The following TLE3 variants were observed in gnomAD, a reference collection of about 807,000 sequenced individuals.
TLE3 encodes TLE family member 3, transcriptional corepressor, also known as transducin-like enhancer protein 3.
In TLE3, 14 loss-of-function variants were observed where a neutral mutation model predicts 93.0. That is an observed-to-expected ratio of 0.15 (90% CI 0.10 to 0.24). The LOEUF (loss-of-function observed/expected upper bound fraction) is 0.24, where lower values mean the gene tolerates loss of function less well. TLE3 is among the 10% of genes least tolerant of loss of function. TLE3 has a pLI of 1.00. For missense variants in TLE3, 693 were observed against 1,046.6 expected, an observed-to-expected ratio of 0.66 and a Z score of 4.66; for synonymous variants, 451 against 425.0, an observed-to-expected ratio of 1.06 and a Z score of -0.75.
At chr15:70,076,462 A>G (rs574222320) in intron 4 of TLE3, among the ~76,000 whole-genome samples, 10 of 152,332 alleles carry the variant, frequency 6.6e-5, no homozygotes, top group African/African-American at 2.4e-4. Context: ...CCCTAATTAA[A>G]GCAAAACGAA....
Position 70,074,544 on chromosome 15 carries a change from C to A in TLE3, c.361G>T (p.Ala121Ser), listed in dbSNP as rs756487725. 1.2e-5 allele frequency: 20 copies of A among 1,612,328 alleles called. No homozygotes were observed. The African/African-American group carries it at 2.5e-4, about 20-fold the overall frequency. ...GGGAGTCCACGTACCCCGATGATGG[C>A]GTTCAGCTCCGTCATGGTGACCTGC... ...AKQVTMTELN[A>S]IIGQQQLQAQ... Residue 121 changes from alanine (A) to serine (S), a missense_variant, in exon 6 of 20, where the codon GCC becomes TCC. Around this residue, in one of 4 missense-constraint regions of TLE3, gnomAD observed 104 missense variants for 173.8 expected, o/e 0.60. Coordinates refer to ENST00000451782, the MANE Select transcript of TLE3 (RefSeq NM_001105192.3).
chr15:70,097,295 CG>C lies in TLE3; in HGVS notation c.-498del. 1 of 401,090 alleles carries C rather than the reference CG, an allele frequency of 2.5e-6. No homozygotes were observed. Among genetic ancestry groups the C allele is most frequent in the Non-Finnish European group, 4.4e-6 (1 of 228,090 alleles). 24.8% of individuals were successfully genotyped at this position (401,090 alleles called of 1,614,324 possible). A position where few individuals can be genotyped will look rare whatever the true frequency, so the allele number is the denominator to read the frequency against. On this transcript the variant is annotated 5_prime_UTR_variant, in exon 1 of 20. Transcript: ENST00000451782. ...GCGCGGGTCCGATCCTAGAGGCGTCCGGGCCTGGGGCTCGCGGCGAGAAGAG... is the reference window on the plus strand; with the variant it reads ...GCGCGGGTCCGATCCTAGAGGCGTCCGGCCTGGGGCTCGCGGCGAGAAGAG...
chr15:70,079,298 G>A (rs1474577901), intron 4 of TLE3: 25 of 472,114 alleles, frequency 5.3e-5, no homozygotes, highest in Non-Finnish European at 9.3e-5. Context: ...GCCCATGTTC[G>A]ACGAAGAGAG....
At chr15:70,063,070 G>T (rs1595898601) in intron 8 of TLE3, among the ~76,000 whole-genome samples, 2 of 152,194 alleles carry the variant, frequency 1.3e-5, no homozygotes, top group Non-Finnish European at 2.9e-5. Context: ...CACTGAAGTG[G>T]GTCCCTGCTA....
intron 4 of TLE3, 35 bp downstream of exon 4, chr15:70,094,497 A>C: frequency 6.7e-7 from 1 of 1,496,196 alleles, no homozygotes; most frequent in Non-Finnish European, 9.0e-7. Flanking sequence ...GTTTTTAAAA[A>C]ATGAAATATA....
intron 9 of TLE3, 151 bp downstream of exon 9, chr15:70,060,379 T>A (rs1357689781): frequency 1.1e-6 from 1 of 946,122 alleles, no homozygotes; most frequent in Non-Finnish European, 1.6e-6. Flanking sequence ...GTTCCCACCC[T>A]GCTCTCCTCA....
chr15:70,066,649 A>C, intron 6 of TLE3: 1 of 163,722 alleles, frequency 6.1e-6, no homozygotes, highest in Non-Finnish European at 1.3e-5. Context: ...AGCATCTTCC[A>C]CCCTGAGGCT....
chr15:70,088,167 G>A (rs1421755784), intron 4 of TLE3, among the ~76,000 whole-genome samples: 1 of 152,176 alleles, frequency 6.6e-6, no homozygotes, highest in Non-Finnish European at 1.5e-5. Context: ...AACATCCTTA[G>A]CAAAGAAAAG....
intron 4 of TLE3, among the ~76,000 whole-genome samples, chr15:70,078,496 A>G (rs1457468493): frequency 6.6e-6 from 1 of 152,278 alleles, no homozygotes; most frequent in Non-Finnish European, 1.5e-5. Flanking sequence ...GGCACACAGT[A>G]GCTGCTCCGT....
intron 5 of TLE3, among the ~76,000 whole-genome samples, chr15:70,075,044 A>G (rs1777883956): frequency 1.3e-5 from 2 of 152,254 alleles, no homozygotes; most frequent in African/African-American, 4.8e-5. Flanking sequence ...AATTGTCAGG[A>G]TATCTGCAAT....
At chr15:70,088,330 C>A (rs1288781999) in intron 4 of TLE3, among the ~76,000 whole-genome samples, 1 of 152,232 alleles carries the variant, frequency 6.6e-6, no homozygotes, top group Non-Finnish European at 1.5e-5. Context: ...CAAATATTCC[C>A]CGCTTACATG....
chr15:70,056,852 C>T (rs2056078567), intron 13 of TLE3, among the ~76,000 whole-genome samples: 2 of 152,188 alleles, frequency 1.3e-5, no homozygotes, highest in Non-Finnish European at 2.9e-5. Context: ...ACCTCTGCCT[C>T]CCAGGTTCAA....
intron 4 of TLE3, among the ~76,000 whole-genome samples, chr15:70,093,019 T>G (rs2058374906): frequency 6.6e-6 from 1 of 152,208 alleles, no homozygotes. Context: ...CCCAAGGTCC[T>G]TGAAACACCT....
At chr15:70,055,626 GCCA>G (rs989473697) in intron 14 of TLE3, 6 of 276,546 alleles carry the variant, frequency 2.2e-5, no homozygotes, top group Admixed American at 4.8e-5. Context: ...TGGCTGAAAT[GCCA>G]CCTCTTGCTT....
In TLE3 at chr15:70,094,583, G is replaced by A. The variant is rs547396438; in HGVS notation, c.190-7C>T. 8.3e-5 allele frequency: 128 copies of A among 1,546,864 alleles called. No individual in the cohort carries two copies. The African/African-American group carries it at 1.6e-3, about 19-fold the overall frequency. ...CATAGGACATCTCATAGTACTAAAA[G>A]TAAAAAGAATGGCTATTAACAGACA... is the stretch of plus-strand genomic sequence containing the variant. On this transcript the variant is annotated splice_polypyrimidine_tract_variant and splice_region_variant and intron_variant, in intron 3 of 19. Transcript: ENST00000451782.
At chr15:70,053,551 G>C in intron 16 of TLE3, 177 bp from the exon 17 acceptor site, 1 of 658,720 alleles carries the variant, frequency 1.5e-6, no homozygotes, top group Non-Finnish European at 2.3e-6. Context: ...CCAGTTCCAG[G>C]CCTCTTTCCA....
intron 5 of TLE3, among the ~76,000 whole-genome samples, chr15:70,075,509 C>CA (rs1468132722): frequency 6.6e-6 from 1 of 152,176 alleles, no homozygotes; most frequent in East Asian, 1.9e-4. Flanking sequence ...GACATGGTCC[C>CA]AGCCACTGAG....
In TLE3 at chr15:70,056,346, C is replaced by A; in HGVS notation, c.1280G>T (p.Arg427Leu). The A allele has an allele frequency of 6.2e-7, 1 of 1,613,556 alleles. No homozygotes were observed. Among genetic ancestry groups the A allele is most frequent in the East Asian group, 2.2e-5 (1 of 44,880 alleles). The change falls in exon 14 of 20, where the codon CGG (arginine) becomes CTG (leucine). Residue 427 changes from arginine (R) to leucine (L), a missense_variant. Transcript: ENST00000451782. ...CAGGCTTGAGGGGAGGCCTGTGGCC[C>A]GCATCGGGGGGTGAGGGTCAAAACC... ...AVGFDPHPPM[R>L]ATGLPSSLAS...
intron 4 of TLE3, among the ~76,000 whole-genome samples, chr15:70,084,205 T>C (rs2057931526): frequency 6.6e-6 from 1 of 152,182 alleles, no homozygotes. Flanking sequence ...TCTCCCAGGT[T>C]AGAGCCAGAC....
Sources: allele counts gnomAD v4.1 joint callset (sites outside exome capture counted in the v4.1 genomes callset), GRCh38; gene constraint gnomAD v4.1.1; regional missense constraint gnomAD v4.1.1; transcripts MANE v1.5; gene names NCBI Gene and HGNC (gene_info 2026-07-23, HGNC 2026-07-21).